Variants in FAAH2 observed in about 807,000 individuals in gnomAD.
The protein encoded by FAAH2 is fatty-acid amide hydrolase 2.
In FAAH2, 60 loss-of-function variants were observed where a neutral mutation model predicts 36.9. The observed-to-expected ratio is 1.63, with a 90% CI of 1.32 to 2.02. The LOEUF is 2.02. FAAH2 is among the 30% of genes most tolerant of loss of function. The pLI is 0.00. For synonymous variants in FAAH2, 214 were observed against 143.8 expected, an observed-to-expected ratio of 1.49 and a Z score of -3.49; for missense variants, 689 against 397.5, an observed-to-expected ratio of 1.73 and a Z score of -6.23.
At chrX:57,177,209 G>A in the FAAH2 span, among the ~76,000 whole-genome samples, 1 of 109,924 alleles carries the variant, frequency 9.1e-6, no homozygotes, top group South Asian at 3.9e-4. Context: ...CTTTTCAGTG[G>A]GAAGTGAGGG....
intron 3 of FAAH2, among the ~76,000 whole-genome samples, chrX:57,314,776 C>T (rs1054848433): frequency 1.8e-5 from 2 of 110,951 alleles, no homozygotes; most frequent in Non-Finnish European, 3.8e-5. Flanking sequence ...CATTAAGGCG[C>T]CACTCAAGCA....
At chrX:57,279,899 A>C in the FAAH2 span, among the ~76,000 whole-genome samples, 33 of 111,768 alleles carry the variant, frequency 3.0e-4, 1 homozygote, top group African/African-American at 1.1e-3. Context: ...GAATGGGCAA[A>C]AGCTGGAAGC....
intron 7 of FAAH2, among the ~76,000 whole-genome samples, chrX:57,386,454 G>A (rs1184904139): frequency 9.0e-6 from 1 of 111,403 alleles, no homozygotes; most frequent in Non-Finnish European, 1.9e-5. Flanking sequence ...CTTTCCTGGC[G>A]AGCTGGAGGA....
the FAAH2 span, among the ~76,000 whole-genome samples, chrX:57,266,888 C>T: frequency 8.9e-6 from 1 of 112,466 alleles, no homozygotes; most frequent in Non-Finnish European, 1.9e-5. Context: ...CCTCTAGGCT[C>T]AACTTGCTCC....
At chrX:57,335,338 A>T (rs1020617723) in intron 4 of FAAH2, among the ~76,000 whole-genome samples, 4 of 111,927 alleles carry the variant, frequency 3.6e-5, no homozygotes. Context: ...ATTGATCATT[A>T]TCCAGCGTTT....
At chrX:57,219,154 C>T in the FAAH2 span, among the ~76,000 whole-genome samples, 1 of 111,646 alleles carries the variant, frequency 9.0e-6, no homozygotes, top group East Asian at 2.8e-4. Context: ...TAGGACACTT[C>T]CTGTTTACAG....
At chrX:57,158,019 C>A in the FAAH2 span, among the ~76,000 whole-genome samples, 2 of 110,373 alleles carry the variant, frequency 1.8e-5, no homozygotes, top group South Asian at 4.0e-4. Context: ...CCACAACAGG[C>A]CCCGGTGTGT....
At chrX:57,349,998 A>G (rs2053955973) in intron 5 of FAAH2, among the ~76,000 whole-genome samples, 2 of 110,790 alleles carry the variant, frequency 1.8e-5, no homozygotes, top group Non-Finnish European at 3.8e-5. Flanking sequence ...ATTTTTAAAA[A>G]CAGCAAGAGA....
Position 57,313,931 on chromosome X carries a change from A to G in FAAH2, c.412+3202A>G, listed in dbSNP as rs190882341. On this transcript the variant is annotated intron_variant, in intron 3 of 10. Transcript: ENST00000374900. Reference sequence around the variant, plus strand: ...TAAATGAACTAAATGTCCCAATTAAAATACAGGGTGTCAGGCTGGATGAAA... The same window carrying G: ...TAAATGAACTAAATGTCCCAATTAAGATACAGGGTGTCAGGCTGGATGAAA... 1.1e-3 allele frequency among the ~76,000 whole-genome samples: 122 copies of G among 111,460 alleles called. 1 individual carries two copies. Among genetic ancestry groups the G allele is most frequent in the Admixed American group, 3.7e-3 (39 of 10,437 alleles).
chrX:57,154,140 A>T, the FAAH2 span, among the ~76,000 whole-genome samples: 4 of 109,904 alleles, frequency 3.6e-5, no homozygotes, highest in Non-Finnish European at 7.6e-5. Flanking sequence ...TGCTTGTTCT[A>T]TTTTATTGCT....
intron 10 of FAAH2, among the ~76,000 whole-genome samples, chrX:57,480,880 T>A (rs1368486661): frequency 9.0e-6 from 1 of 111,057 alleles, no homozygotes; most frequent in East Asian, 2.8e-4. Context: ...CCCCAGTCGA[T>A]CGTAGGTTTG....
the FAAH2 span, among the ~76,000 whole-genome samples, chrX:57,265,718 A>G: frequency 8.9e-6 from 1 of 112,126 alleles, no homozygotes; most frequent in African/African-American, 3.2e-5. Flanking sequence ...TCCCAGAGGG[A>G]GGAGTGGACC....
chrX:57,148,572 G>T, the FAAH2 span, among the ~76,000 whole-genome samples: 1 of 111,366 alleles, frequency 9.0e-6, no homozygotes, highest in Non-Finnish European at 1.9e-5. Flanking sequence ...GTCTGTTATT[G>T]GTGTATAAGA....
the FAAH2 span, among the ~76,000 whole-genome samples, chrX:57,167,521 TC>T: frequency 2.7e-5 from 3 of 111,969 alleles, no homozygotes; most frequent in Non-Finnish European, 5.6e-5. Flanking sequence ...CTTTTCCCCC[TC>T]AGTTAACCAC....
intron 4 of FAAH2, among the ~76,000 whole-genome samples, chrX:57,337,002 G>A (rs1395555078): frequency 9.1e-6 from 1 of 109,883 alleles, no homozygotes; most frequent in Non-Finnish European, 1.9e-5. Flanking sequence ...TAGAGCACTA[G>A]CTAGACTAAT....
chrX:57,235,734 G>A, the FAAH2 span, among the ~76,000 whole-genome samples: 23 of 112,071 alleles, frequency 2.1e-4, no homozygotes, highest in African/African-American at 6.5e-4. Flanking sequence ...TGTAATCGTT[G>A]TCTATGCTTA....
intron 8 of FAAH2, among the ~76,000 whole-genome samples, chrX:57,438,678 G>C (rs2056472233): frequency 9.2e-6 from 1 of 109,041 alleles, no homozygotes; most frequent in African/African-American, 3.3e-5. Context: ...GTATACATGT[G>C]CCATGTTGGT....
chrX:57,318,846 G>T (rs1169660411), intron 3 of FAAH2, among the ~76,000 whole-genome samples: 1 of 111,540 alleles, frequency 9.0e-6, no homozygotes, highest in Non-Finnish European at 1.9e-5. Flanking sequence ...TTCATCCTTG[G>T]GATACAAGGC....
At chrX:57,143,122 T>C in the FAAH2 span, among the ~76,000 whole-genome samples, 1 of 111,389 alleles carries the variant, frequency 9.0e-6, no homozygotes, top group Non-Finnish European at 1.9e-5. Context: ...TTATTACGGA[T>C]AGGTAAGGAC....
Sources: allele counts gnomAD v4.1 joint callset (sites outside exome capture counted in the v4.1 genomes callset), GRCh38; gene constraint gnomAD v4.1.1; transcripts MANE v1.5; gene names NCBI Gene and HGNC (gene_info 2026-07-23, HGNC 2026-07-21).